PEAK1: variants seen among roughly 807,000 people sequenced by gnomAD.
The protein encoded by PEAK1 is pseudopodium enriched atypical kinase 1, also known as inactive tyrosine-protein kinase PEAK1.
In PEAK1, 54 loss-of-function variants were observed where a neutral mutation model predicts 124.7. That is an observed-to-expected ratio of 0.43 (90% CI 0.35 to 0.54). The LOEUF is 0.54. Among genes scored for constraint, PEAK1 ranks in the 20% least tolerant of loss-of-function variants. The pLI is 0.01. For missense variants in PEAK1, 2,046 were observed against 2,134.5 expected, an observed-to-expected ratio of 0.96 and a Z score of 0.82; for synonymous variants, 719 against 760.0, an observed-to-expected ratio of 0.95 and a Z score of 0.89.
chr15:77,259,856 T>C (rs1235399278), intron 5 of PEAK1, among the ~76,000 whole-genome samples: 1 of 152,116 alleles, frequency 6.6e-6, no homozygotes, highest in Admixed American at 6.6e-5. Flanking sequence ...CTTGTTTACT[T>C]GGAGAGATAG....
intron 2 of PEAK1, among the ~76,000 whole-genome samples, chr15:77,287,095 G>T (rs2062968945): frequency 6.6e-6 from 1 of 152,106 alleles, no homozygotes; most frequent in Non-Finnish European, 1.5e-5. Context: ...ACAGACTTAA[G>T]AAAATGAAGA....
At chr15:77,135,322 G>A (rs76967767) in intron 8 of PEAK1, among the ~76,000 whole-genome samples, 2,201 of 152,216 alleles carry the variant, frequency 0.014, 32 homozygotes, top group Non-Finnish European at 0.025. Context: ...GCATGTCAAC[G>A]GTAAGCACCA....
intron 2 of PEAK1, among the ~76,000 whole-genome samples, chr15:77,327,774 T>C (rs1180727514): frequency 3.3e-5 from 5 of 151,984 alleles, no homozygotes; most frequent in Admixed American, 6.6e-5. Context: ...TTACAAATAC[T>C]GTATAAGGGG....
At chr15:77,245,049 A>G (rs536487071) in intron 6 of PEAK1, among the ~76,000 whole-genome samples, 10 of 152,236 alleles carry the variant, frequency 6.6e-5, no homozygotes, top group Middle Eastern at 6.8e-3. Flanking sequence ...TACCACTTCA[A>G]TGTTTCAATT....
downstream of PEAK1, chr15:77,106,300 T>A (rs1229465467): frequency 1.3e-5 from 2 of 152,230 alleles, no homozygotes; most frequent in African/African-American, 4.8e-5. Flanking sequence ...CCACATCTTA[T>A]ATACCTTCTA....
intron 2 of PEAK1, chr15:77,347,547 A>T (rs1385786763): frequency 2.0e-6 from 2 of 985,320 alleles, no homozygotes; most frequent in Non-Finnish European, 2.4e-6. Context: ...AATGAACTCC[A>T]ATCACAAAGG....
chr15:77,384,605 T>A (rs2069770522), intron 1 of PEAK1, among the ~76,000 whole-genome samples: 1 of 152,218 alleles, frequency 6.6e-6, no homozygotes, highest in Non-Finnish European at 1.5e-5. Context: ...GTGAGAGTGG[T>A]CCTTACTGTT....
intron 2 of PEAK1, among the ~76,000 whole-genome samples, chr15:77,290,404 C>A (rs574566934): frequency 6.6e-6 from 1 of 152,210 alleles, no homozygotes; most frequent in Non-Finnish European, 1.5e-5. Flanking sequence ...CAGGCATGAG[C>A]CACTGTGCCT....
chr15:77,339,284 T>G (rs1156608378), intron 2 of PEAK1, among the ~76,000 whole-genome samples: 1 of 151,910 alleles, frequency 6.6e-6, no homozygotes, highest in Non-Finnish European at 1.5e-5. Context: ...CTAGTTTTTT[T>G]GTAGATATGG....
chr15:77,410,350 C>T (rs771013680), intron 1 of PEAK1, among the ~76,000 whole-genome samples: 5 of 152,278 alleles, frequency 3.3e-5, no homozygotes, highest in Middle Eastern at 3.4e-3. Context: ...GTCTCGAACT[C>T]TCGACCTCAG....
chr15:77,134,073 CA>C (rs2053114464), intron 8 of PEAK1, among the ~76,000 whole-genome samples: 1 of 152,144 alleles, frequency 6.6e-6, no homozygotes, highest in South Asian at 2.1e-4. Context: ...ATATTCACCA[CA>C]CCAGAATATT....
intron 1 of PEAK1, among the ~76,000 whole-genome samples, chr15:77,390,583 G>GA (rs2070371458): frequency 6.6e-6 from 1 of 152,130 alleles, no homozygotes; most frequent in South Asian, 2.1e-4. Flanking sequence ...ATATTAGAAT[G>GA]AAAATGAGTA....
chr15:77,114,722 C>CCTGA lies in PEAK1; in HGVS notation c.4671_4674dup (p.Ala1559SerfsTer31). 1.2e-6 allele frequency: 2 copies of CCTGA among 1,613,438 alleles called. No individual in the cohort carries two copies. Among genetic ancestry groups the CCTGA allele is most frequent in the Non-Finnish European group, 1.7e-6 (2 of 1,179,946 alleles). On this transcript the variant is annotated frameshift_variant, in exon 10 of 10. Transcript: ENST00000682557. LOFTEE classifies it high-confidence loss of function. The stretch of plus-strand genomic sequence containing the variant: ...TCCACCAGATGGCTCTTCTGCTTGG[C>CCTGA]CTGAGAGAAGTTGCTCACTATAAGC...
intron 1 of PEAK1, among the ~76,000 whole-genome samples, chr15:77,389,113 T>G (rs1412966208): frequency 2.0e-5 from 3 of 151,938 alleles, no homozygotes; most frequent in Non-Finnish European, 4.4e-5. Flanking sequence ...TGCACCAACT[T>G]TGGCTAATTT....
At chr15:77,225,696 A>ATATATATATATATATATG in intron 6 of PEAK1, among the ~76,000 whole-genome samples, 2 of 139,022 alleles carry the variant, frequency 1.4e-5, no homozygotes. Context: ...ATATATATAT[A>ATATATATATATATATATG]TGACAATTCT....
In PEAK1 at chr15:77,133,541, A is replaced by G. The variant is rs748117332; in HGVS notation, c.3541T>C (p.Cys1181Arg). 1 of 1,614,172 alleles carries G rather than the reference A, an allele frequency of 6.2e-7. No individual in the cohort carries two copies. The highest frequency in any genetic ancestry group is 8.5e-7 in the Non-Finnish European group (1 of 1,180,022). ...DLQKSMESSLCVMANPTYDID... is the reference protein window; with the variant it reads ...DLQKSMESSLRVMANPTYDID... The stretch of plus-strand genomic sequence containing the variant: ...TCATAGGTGGGATTAGCCATGACAC[A>G]AAGACTACTTTCCATGGATTTTTGG... The change falls in exon 9 of 10, where the codon TGT becomes CGT. Residue 1181 changes from cysteine to arginine, a missense_variant. By Grantham distance (180) the Cys-to-Arg change is radical. Coordinates refer to ENST00000682557, the MANE Select transcript of PEAK1 (RefSeq NM_001385026.1). This position sits in a 1 kb window ranked among gnomAD's most constrained non-coding sequence, Gnocchi z 4.2.
intron 7 of PEAK1, among the ~76,000 whole-genome samples, chr15:77,170,095 CT>C (rs999001103): frequency 6.6e-6 from 1 of 152,012 alleles, no homozygotes; most frequent in Non-Finnish European, 1.5e-5. Flanking sequence ...TAAAGAACCC[CT>C]TTTTCATATA....
chr15:77,264,108 A>C (rs2061588904), intron 5 of PEAK1, among the ~76,000 whole-genome samples: 1 of 152,232 alleles, frequency 6.6e-6, no homozygotes, highest in African/African-American at 2.4e-5. Flanking sequence ...CGTATCTCAA[A>C]ATAATAAGAG....
In PEAK1 at chr15:77,335,415, CT is replaced by C. The variant is rs1284183684; in HGVS notation, c.-603+29747del. 2.3e-5 allele frequency: 23 copies of C among 985,088 alleles called. No homozygotes were observed. The Admixed American group carries it at 9.2e-4, about 40-fold the overall frequency. 61.0% of individuals were successfully genotyped at this position (985,088 alleles called of 1,614,324 possible). The stretch of plus-strand genomic sequence containing the variant: ...AATTTAGATGGGTGAAGATAGGAAA[CT>C]TTTTTTTCTGCTATTTTGCCCAATA... On this transcript the variant is annotated intron_variant, in intron 2 of 9. Coordinates refer to ENST00000682557, the MANE Select transcript of PEAK1 (RefSeq NM_001385026.1).
Sources: allele counts gnomAD v4.1 joint callset (sites outside exome capture counted in the v4.1 genomes callset), GRCh38; gene constraint gnomAD v4.1.1; non-coding constraint Gnocchi (gnomAD v3.1); transcripts MANE v1.5; gene names NCBI Gene and HGNC (gene_info 2026-07-23, HGNC 2026-07-21).